PARVB: variants seen among roughly 807,000 people sequenced by gnomAD.
PARVB encodes the protein beta-parvin.
PARVB carries 46 observed loss-of-function variants against 47.0 expected under a neutral mutation model. The ratio of observed to expected loss-of-function variants is 0.98; its 90% confidence interval spans 0.77 to 1.25. The LOEUF is 1.25. Among genes scored for constraint, PARVB ranks in the 50% most tolerant of loss-of-function variants. The pLI is 0.00. For missense variants in PARVB, 473 were observed against 471.6 expected (o/e 1.00, Z -0.03); for synonymous variants, 196 against 196.3 (o/e 1.00, Z 0.01).
At chr22:44,002,941 A>G (rs2050427674) in intron 2 of PARVB, among the ~76,000 whole-genome samples, 2 of 152,214 alleles carry the variant, frequency 1.3e-5, no homozygotes, top group African/African-American at 2.4e-5. Context: ...AACTTTTAAG[A>G]GCAACAAACA....
At chr22:44,047,980 C>T (rs1364092980) in intron 1 of PARVB, among the ~76,000 whole-genome samples, 1 of 152,146 alleles carries the variant, frequency 6.6e-6, no homozygotes, top group African/African-American at 2.4e-5. Flanking sequence ...GTGTGGGAAC[C>T]CCCAGCTCCG....
In PARVB at chr22:44,147,845, C is replaced by T. The variant is rs778036418; in HGVS notation, c.713-16C>T. 5.6e-6 allele frequency: 9 copies of T among 1,613,106 alleles called. No individual in the cohort carries two copies. Among genetic ancestry groups the T allele is most frequent in the Non-Finnish European group, 6.8e-6 (8 of 1,179,082 alleles). ...TCCATAAACGCTCCTTCGTGTCTCT[C>T]TTTGCATGTCCTCAGAGCGGGATGC... On this transcript the variant is annotated splice_polypyrimidine_tract_variant and intron_variant, in intron 8 of 12. Transcript: ENST00000338758.
intron 5 of PARVB, among the ~76,000 whole-genome samples, 173 bp downstream of exon 5, chr22:44,131,800 G>A (rs2053330642): frequency 6.6e-6 from 1 of 152,218 alleles, no homozygotes; most frequent in African/African-American, 2.4e-5. Context: ...AGAAGAACAG[G>A]AGAAGGGTTA....
chr22:44,086,860 T>G (rs2147022126), intron 1 of PARVB: 3 of 983,904 alleles, frequency 3.0e-6, no homozygotes, highest in Non-Finnish European at 3.6e-6. Context: ...AAGCTGTCAT[T>G]TCCTGGCAGA....
At chr22:44,163,031 C>T (rs987278870) in intron 11 of PARVB, among the ~76,000 whole-genome samples, 3 of 152,194 alleles carry the variant, frequency 2.0e-5, no homozygotes, top group African/African-American at 7.2e-5. Flanking sequence ...AGTGCTAAGG[C>T]CCTCCCTCCC....
At chr22:44,026,929 G>C (rs1259265676) in intron 1 of PARVB, among the ~76,000 whole-genome samples, 1 of 152,094 alleles carries the variant, frequency 6.6e-6, no homozygotes, top group Non-Finnish European at 1.5e-5. Flanking sequence ...GGGATGGTTG[G>C]GATGAGTGAC....
At chr22:44,158,295 A>C (rs896769952) in intron 11 of PARVB, among the ~76,000 whole-genome samples, 4 of 152,128 alleles carry the variant, frequency 2.6e-5, no homozygotes, top group Admixed American at 2.6e-4. Context: ...TGTTTGCCAC[A>C]TTTTCTTTGC....
chr22:44,054,931 C>T (rs950124334), intron 1 of PARVB, among the ~76,000 whole-genome samples: 5 of 142,890 alleles, frequency 3.5e-5, no homozygotes, highest in Admixed American at 7.4e-5. Context: ...CAGAGGTTGC[C>T]GTGAGCCGAG....
At position 44,158,056 on chromosome 22, in the gene PARVB, C is replaced by T. The variant is rs888795638; in HGVS notation, c.918C>T (p.Tyr306=). ...EDYFVPLHHF[Y]LTPESFDQKV... is the part of the protein sequence containing the mutation. ...ACTTTGTTCCTCTCCACCACTTCTA[C>T]CTGACTCCGGAAAGCTTCGATCAGA... The change falls in exon 11 of 13, where the codon TAC becomes TAT. Residue 306 remains tyrosine (Y), a synonymous_variant. Transcript: ENST00000338758. 2.5e-6 allele frequency: 4 copies of T among 1,613,722 alleles called. No homozygotes were observed. The African/African-American group carries it at 4.0e-5, about 16-fold the overall frequency.
At chr22:44,078,848 C>T (rs961303002) in intron 1 of PARVB, among the ~76,000 whole-genome samples, 3 of 152,152 alleles carry the variant, frequency 2.0e-5, no homozygotes, top group Non-Finnish European at 4.4e-5. Flanking sequence ...CCTCAGCCTC[C>T]CAAGTAACTA....
chr22:44,019,488 G>A (rs2050621728), upstream of PARVB, among the ~76,000 whole-genome samples: 1 of 152,230 alleles, frequency 6.6e-6, no homozygotes, highest in African/African-American at 2.4e-5. Context: ...TCAAAGTGCT[G>A]GGATTGCAGG....
intron 1 of PARVB, among the ~76,000 whole-genome samples, chr22:44,046,854 G>A (rs1369773291): frequency 6.6e-6 from 1 of 152,194 alleles, no homozygotes; most frequent in Non-Finnish European, 1.5e-5. Flanking sequence ...TTGAGCCTCT[G>A]CTGAGGTCCT....
chr22:44,161,613 C>T (rs1410390721), intron 11 of PARVB, among the ~76,000 whole-genome samples: 1 of 152,164 alleles, frequency 6.6e-6, no homozygotes, highest in Non-Finnish European at 1.5e-5. Context: ...CATCCAGCTG[C>T]CCCATGCCTT....
At chr22:44,041,838 T>C (rs960662495) in intron 1 of PARVB, among the ~76,000 whole-genome samples, 1 of 152,060 alleles carries the variant, frequency 6.6e-6, no homozygotes, top group Non-Finnish European at 1.5e-5. Flanking sequence ...TGAGTCGAGA[T>C]TGCACCACTA....
chr22:44,020,749 G>A (rs116596339), upstream of PARVB, among the ~76,000 whole-genome samples: 1,150 of 151,962 alleles, frequency 7.6e-3, 12 homozygotes, highest in African/African-American at 0.025. Flanking sequence ...ACCTCCATGT[G>A]TTTAGCTATT....
chr22:44,140,012 A>G (rs1308620382), intron 7 of PARVB, 112 bp from the exon 8 acceptor site: 3 of 113,242 alleles, frequency 2.6e-5, no homozygotes, highest in Middle Eastern at 2.3e-3. Context: ...TTACCTGGGC[A>G]GCGAGGGCCC....
At chr22:44,056,873 G>A (rs1390333533) in intron 1 of PARVB, among the ~76,000 whole-genome samples, 1 of 150,598 alleles carries the variant, frequency 6.6e-6, no homozygotes, top group Non-Finnish European at 1.5e-5. Context: ...TGTATAAAAT[G>A]TCTGGAAATG....
intron 1 of PARVB, chr22:44,039,767 C>A (rs2050985168): frequency 2.3e-6 from 1 of 431,576 alleles, no homozygotes; most frequent in Non-Finnish European, 4.7e-6. Context: ...AACCACTATG[C>A]TGAGCAAACC....
Position 44,169,699 on chromosome 22 carries a change from A to AT in PARVB, c.*1027dup, listed in dbSNP as rs2054246959. 1 of 147,756 alleles carries AT rather than the reference A, an allele frequency of 6.8e-6. No homozygotes were observed. The highest frequency in any genetic ancestry group is 2.1e-4 in the South Asian group (1 of 4,806). The allele number at this position is 147,756 out of a possible 1,614,324, so 9.2% of individuals were successfully genotyped here. On this transcript the variant is annotated 3_prime_UTR_variant, in exon 13 of 13. Transcript: ENST00000338758. Reference sequence around the variant, plus strand: ...GTGTCCTCACCGCCTCTTTTATTTTATTTTTTATTTTTGTTTTTATTTTTT... The same window carrying AT: ...GTGTCCTCACCGCCTCTTTTATTTTATTTTTTTATTTTTGTTTTTATTTTTT...
Sources: allele counts gnomAD v4.1 joint callset (sites outside exome capture counted in the v4.1 genomes callset), GRCh38; gene constraint gnomAD v4.1.1; transcripts MANE v1.5; gene names NCBI Gene and HGNC (gene_info 2026-07-23, HGNC 2026-07-21).